Variants in NUP93 observed in about 807,000 individuals in gnomAD.
NUP93 encodes nuclear pore complex protein Nup93.
NUP93 carries 55 observed loss-of-function variants against 107.8 expected under a neutral mutation model. That is an observed-to-expected ratio of 0.51 (90% confidence interval 0.41 to 0.64). The LOEUF (loss-of-function observed/expected upper bound fraction) is 0.64. NUP93 is among the 30% of genes least tolerant of loss of function. The pLI is 0.00. For missense variants in NUP93, 937 were observed against 1,044.7 expected (o/e 0.90, Z 1.42); for synonymous variants, 390 against 397.5 (o/e 0.98, Z 0.22).
chr16:56,736,872 A>G (rs1230592924), intron 1 of NUP93, among the ~76,000 whole-genome samples: 1 of 152,260 alleles, frequency 6.6e-6, no homozygotes, highest in Non-Finnish European at 1.5e-5. Context: ...AAGATCACAT[A>G]TACTCATGGA....
chr16:56,833,301 T>C lies in NUP93; in HGVS notation c.1432T>C (p.Phe478Leu), dbSNP rs2144634139. Residue 478 changes from phenylalanine (F) to leucine (L), a missense_variant, in exon 13 of 22, where the codon TTT becomes CTT. Physicochemically the swap from Phe to Leu is conservative, Grantham distance 22. Coordinates refer to ENST00000308159, the MANE Select transcript of NUP93 (RefSeq NM_014669.5). ...LTAQFEAAVAFLFRMERLRCH... is the reference protein window; with the variant it reads ...LTAQFEAAVALLFRMERLRCH... ...AGCGCAGTTTGAAGCAGCAGTTGCC[T>C]TTCTTTTCCGCATGGAGCGGCTGCG... 6.2e-7 allele frequency: 1 copy of C among 1,607,198 alleles called. No individual in the cohort carries two copies. Among genetic ancestry groups the C allele is most frequent in the East Asian group, 2.2e-5 (1 of 44,504 alleles).
chr16:56,836,369 C>T (rs1394603957), intron 16 of NUP93, among the ~76,000 whole-genome samples: 1 of 152,198 alleles, frequency 6.6e-6, no homozygotes, highest in Admixed American at 6.5e-5. Flanking sequence ...CTCCTCTGTG[C>T]TTCTAGTAAG....
At chr16:56,773,331 CTT>C (rs1488160955) in intron 3 of NUP93, among the ~76,000 whole-genome samples, 1 of 152,192 alleles carries the variant, frequency 6.6e-6, no homozygotes, top group Admixed American at 6.5e-5. Context: ...ATTCTACTTT[CTT>C]TTTTGAGGAT....
At chr16:56,822,716 A>G (rs1272799954) in intron 7 of NUP93, among the ~76,000 whole-genome samples, 9 of 151,774 alleles carry the variant, frequency 5.9e-5, no homozygotes, top group Admixed American at 5.2e-4. Flanking sequence ...ACCTGCCACC[A>G]TGCCTGGTTA....
In NUP93 at chr16:56,848,481, A is replaced by T. The variant is rs1964140963; in HGVS notation, c.*3872A>T. 1 of 152,202 alleles carries T rather than the reference A, an allele frequency of 6.6e-6. No individual in the cohort carries two copies. Among genetic ancestry groups the T allele is most frequent in the African/African-American group, 2.4e-5 (1 of 41,426 alleles). 9.4% of individuals were successfully genotyped at this position (152,202 alleles called of 1,614,324 possible). A position where few individuals can be genotyped will look rare whatever the true frequency, so the allele number is the denominator to read the frequency against. On this transcript the variant is annotated 3_prime_UTR_variant, in exon 22 of 22. Coordinates refer to ENST00000308159, the MANE Select transcript of NUP93 (RefSeq NM_014669.5). Reference sequence around the variant, plus strand: ...AGGAGTTGTCTAAACTGTGGAAGAAAATATCCCCCATTCTTTATCCTACGC... The same window carrying T: ...AGGAGTTGTCTAAACTGTGGAAGAATATATCCCCCATTCTTTATCCTACGC...
intron 1 of NUP93, among the ~76,000 whole-genome samples, chr16:56,730,497 G>T (rs1462844900): frequency 1.3e-5 from 2 of 152,014 alleles, no homozygotes; most frequent in African/African-American, 4.8e-5. Context: ...GTGCCCTCGC[G>T]CCACGCCCCT....
chr16:56,765,561 G>C (rs573878755), intron 3 of NUP93, among the ~76,000 whole-genome samples: 1 of 152,292 alleles, frequency 6.6e-6, no homozygotes, highest in Non-Finnish European at 1.5e-5. Flanking sequence ...CAAGATTTGG[G>C]TGTAGTGACT....
rs1320282274 is a variant in NUP93 at position 56,833,322 on chromosome 16, C to A, written c.1453C>A (p.Leu485Met). The A allele has an allele frequency of 1.2e-6, 2 of 1,607,724 alleles. No homozygotes were observed. The highest frequency in any genetic ancestry group is 2.2e-5 in the South Asian group (2 of 89,866). ...TGCCTTTCTTTTCCGCATGGAGCGGCTGCGCTGCCATGCTGTCCATGTAGC... is the reference window on the plus strand; with the variant it reads ...TGCCTTTCTTTTCCGCATGGAGCGGATGCGCTGCCATGCTGTCCATGTAGC... ...AVAFLFRMERLRCHAVHVALV... is the reference protein window; with the variant it reads ...AVAFLFRMERMRCHAVHVALV... Residue 485 changes from leucine to methionine, a missense_variant, in exon 13 of 22, where the codon CTG (leucine) becomes ATG (methionine). Physicochemically the swap from Leu to Met is conservative, Grantham distance 15 (BLOSUM62 2). Coordinates refer to ENST00000308159, the MANE Select transcript of NUP93 (RefSeq NM_014669.5).
At chr16:56,744,221 T>C (rs560773122) in intron 1 of NUP93, among the ~76,000 whole-genome samples, 45 of 152,316 alleles carry the variant, frequency 3.0e-4, no homozygotes, top group African/African-American at 1.0e-3. Flanking sequence ...TCAATTTTTT[T>C]CCCCCATAGA....
rs796792676 is a variant in NUP93 at position 56,808,137 on chromosome 16, T to G, written c.489+2505T>G. Among the ~76,000 whole-genome samples, 50 of 54,674 alleles carry G rather than the reference T, an allele frequency of 9.1e-4. 1 individual carries two copies. Among genetic ancestry groups the G allele is most frequent in the African/African-American group, 2.4e-3 (34 of 14,140 alleles). The allele number at this position is 54,674 out of a possible 152,430, so 35.9% of individuals were successfully genotyped here. ...TATATTATATAACTATATAAATATA[T>G]TTATATAACTATATATAATATATAG... On this transcript the variant is annotated intron_variant, in intron 5 of 21. Transcript: ENST00000308159.
chr16:56,761,758 T>C (rs536240519), intron 3 of NUP93, among the ~76,000 whole-genome samples: 9 of 152,260 alleles, frequency 5.9e-5, no homozygotes, highest in East Asian at 1.9e-4. Flanking sequence ...TTGCCACTTA[T>C]GCATTGTCTT....
At chr16:56,750,773 GTT>G (rs1961904125) in intron 2 of NUP93, among the ~76,000 whole-genome samples, 1 of 152,158 alleles carries the variant, frequency 6.6e-6, no homozygotes, top group Admixed American at 6.5e-5. Context: ...AGCCTGAAAT[GTT>G]TACTATCTGC....
intron 3 of NUP93, among the ~76,000 whole-genome samples, chr16:56,787,404 C>A (rs945805352): frequency 3.3e-5 from 5 of 152,162 alleles, no homozygotes; most frequent in Admixed American, 3.3e-4. Context: ...AAACATTGTC[C>A]TGACTAACAG....
chr16:56,771,997 C>G (rs1300953133), intron 3 of NUP93, among the ~76,000 whole-genome samples: 1 of 151,996 alleles, frequency 6.6e-6, no homozygotes, highest in African/African-American at 2.4e-5. Context: ...CTTCTCTGTT[C>G]CCTTCCCTTT....
chr16:56,781,733 A>T (rs1378165778), intron 3 of NUP93: 3 of 689,778 alleles, frequency 4.3e-6, no homozygotes, highest in Non-Finnish European at 5.4e-6. Context: ...AAAAAGTATC[A>T]TAGCATTCCT....
At chr16:56,738,534 C>G (rs1961648140) in intron 1 of NUP93, among the ~76,000 whole-genome samples, 1 of 152,200 alleles carries the variant, frequency 6.6e-6, no homozygotes, top group Non-Finnish European at 1.5e-5. Context: ...CTCCAGAACT[C>G]TACCTTTTGA....
intron 1 of NUP93, among the ~76,000 whole-genome samples, chr16:56,745,351 A>G (rs1406445972): frequency 3.3e-5 from 5 of 149,344 alleles, no homozygotes; most frequent in African/African-American, 1.3e-4. Flanking sequence ...CTGAGTGATG[A>G]GGGGGGGTGG....
At chr16:56,831,646 A>C in intron 10 of NUP93, 196 bp from the exon 11 acceptor site, 1 of 549,834 alleles carries the variant, frequency 1.8e-6, no homozygotes, top group Non-Finnish European at 3.2e-6. Context: ...AGGCCAATAG[A>C]TACAGGTGCA....
At chr16:56,748,102 C>T in intron 1 of NUP93, 132 bp from the exon 2 acceptor site, 1 of 571,962 alleles carries the variant, frequency 1.7e-6, no homozygotes, top group East Asian at 2.9e-5. Flanking sequence ...ACAAATCCTG[C>T]TTGTTGATGA....
Sources: gnomAD v4.1 joint callset for allele counts (sites outside exome capture counted in the v4.1 genomes callset) on GRCh38, gnomAD v4.1.1 for gene constraint, MANE v1.5 for transcripts, NCBI Gene and HGNC (gene_info 2026-07-23, HGNC 2026-07-21) for gene names.